Variants in PLSCR1 observed in about 807,000 individuals in gnomAD.
PLSCR1 encodes PL scramblase 1.
A neutral mutation model predicts 37.8 loss-of-function variants in PLSCR1; 17 were observed. The ratio of observed to expected loss-of-function variants is 0.45; its 90% CI spans 0.31 to 0.68. The LOEUF is 0.68. Among genes scored for constraint, PLSCR1 ranks in the 30% least tolerant of loss-of-function variants. The pLI, the probability that PLSCR1 is intolerant of heterozygous loss-of-function variation, is 0.06. For missense variants in PLSCR1, 347 were observed against 380.9 expected (o/e 0.91, Z 0.74); for synonymous variants, 116 against 125.9 (o/e 0.92, Z 0.53).
chr3:146,532,610 G>C (rs2688688), intron 3 of PLSCR1, among the ~76,000 whole-genome samples: 33,549 of 152,020 alleles, frequency 0.22, 4,061 homozygotes, highest in Non-Finnish European at 0.25. Flanking sequence ...ATGACATTCA[G>C]CTCCTAAGCA....
chr3:146,527,291 A>G (rs2044131272), intron 4 of PLSCR1, among the ~76,000 whole-genome samples: 1 of 152,226 alleles, frequency 6.6e-6, no homozygotes, highest in Non-Finnish European at 1.5e-5. Flanking sequence ...ACTATAATTA[A>G]CAATAATTTA....
chr3:146,525,525 T>C (rs1414931207), intron 5 of PLSCR1, 80 bp downstream of exon 5: 9 of 745,460 alleles, frequency 1.2e-5, no homozygotes, highest in African/African-American at 7.1e-5. Flanking sequence ...GAGAGTGTTA[T>C]ATTTGTGGAG....
At chr3:146,536,665 A>T in intron 1 of PLSCR1, 100 bp from the exon 2 acceptor site, 1 of 720,296 alleles carries the variant, frequency 1.4e-6, no homozygotes, top group Non-Finnish European at 2.5e-6. Flanking sequence ...TCACATTCAT[A>T]GGATATTCCT....
intron 5 of PLSCR1, among the ~76,000 whole-genome samples, chr3:146,523,318 A>G (rs2044058785): frequency 6.6e-6 from 1 of 152,166 alleles, no homozygotes; most frequent in Non-Finnish European, 1.5e-5. Context: ...GAGTTGGGGC[A>G]ATGCTGTGGG....
chr3:146,530,147 G>T (rs1310804092), intron 3 of PLSCR1, among the ~76,000 whole-genome samples: 1 of 152,098 alleles, frequency 6.6e-6, no homozygotes, highest in Non-Finnish European at 1.5e-5. Context: ...CATAGCAGTG[G>T]AATACAATTT....
rs2044153840 is a variant in PLSCR1, at chr3:146,528,740, AGGAAAGCCAGCTG to A, written c.173_185del (p.Pro58LeufsTer32). On this transcript the variant is annotated frameshift_variant, in exon 4 of 9. Transcript: ENST00000342435. LOFTEE classifies it high-confidence loss of function. The stretch of plus-strand genomic sequence containing the variant: ...GATTATACACTGGCTGATTTGGGAC[AGGAAAGCCAGCTG>A]GGCCAGGACCTGAATGGCCGGCTGG... 1 of 1,614,080 alleles carries A rather than the reference AGGAAAGCCAGCTG, an allele frequency of 6.2e-7. No homozygotes were observed. The highest frequency in any genetic ancestry group is 8.5e-7 in the Non-Finnish European group (1 of 1,180,040).
chr3:146,519,224 A>G (rs908469145), intron 7 of PLSCR1, among the ~76,000 whole-genome samples: 4 of 152,160 alleles, frequency 2.6e-5, no homozygotes, highest in African/African-American at 9.7e-5. Flanking sequence ...TCCAGTGTCT[A>G]TACTCTTGAC....
At chr3:146,534,216 T>C (rs1006123909) in intron 2 of PLSCR1, among the ~76,000 whole-genome samples, 1 of 152,158 alleles carries the variant, frequency 6.6e-6, no homozygotes, top group African/African-American at 2.4e-5. Context: ...TTCATGTCTA[T>C]CTAGTCATTC....
chr3:146,519,520 T>G (rs2043990658), intron 7 of PLSCR1, among the ~76,000 whole-genome samples: 1 of 152,080 alleles, frequency 6.6e-6, no homozygotes, highest in African/African-American at 2.4e-5. Context: ...CTATATTGGA[T>G]AAAAGGTCTA....
chr3:146,517,336 T>C (rs2043961537), intron 7 of PLSCR1, 169 bp from the exon 8 acceptor site: 3 of 355,578 alleles, frequency 8.4e-6, no homozygotes, highest in Admixed American at 4.6e-5. Context: ...TGAAAAAAAC[T>C]GTTTCATTGT....
chr3:146,530,093 G>C (rs2044175744), intron 3 of PLSCR1, among the ~76,000 whole-genome samples: 1 of 152,142 alleles, frequency 6.6e-6, no homozygotes, highest in Admixed American at 6.5e-5. Context: ...TGATTACAAT[G>C]AAGATTTATA....
At chr3:146,535,648 A>G (rs1319029093) in intron 2 of PLSCR1, among the ~76,000 whole-genome samples, 4 of 152,234 alleles carry the variant, frequency 2.6e-5, no homozygotes, top group South Asian at 2.1e-4. Context: ...AAAGTTGCCT[A>G]TGACCATCAC....
Position 146,544,494 on chromosome 3 carries a change from A to G in PLSCR1, c.-41T>C, listed in dbSNP as rs2044380499. 1 of 152,284 alleles carries G rather than the reference A, an allele frequency of 6.6e-6. No homozygotes were observed. The highest frequency in any genetic ancestry group is 2.1e-4 in the South Asian group (1 of 4,830). The allele number at this position is 152,284 out of a possible 1,614,324, so 9.4% of individuals were successfully genotyped here. Reference sequence around the variant, plus strand: ...CTGGCTGCCGCTGTTTCCGCTCCCGAGCGAGACAAGGTCCAGAGAGCCGGG... The same window carrying G: ...CTGGCTGCCGCTGTTTCCGCTCCCGGGCGAGACAAGGTCCAGAGAGCCGGG... On this transcript the variant is annotated 5_prime_UTR_variant, in exon 1 of 9. Transcript: ENST00000342435.
chr3:146,540,436 G>T (rs2044324209), intron 1 of PLSCR1, among the ~76,000 whole-genome samples: 1 of 152,092 alleles, frequency 6.6e-6, no homozygotes, highest in African/African-American at 2.4e-5. Context: ...TCCAGTTCTG[G>T]CTTCAAAATT....
chr3:146,519,922 T>C (rs1348183826), intron 7 of PLSCR1, among the ~76,000 whole-genome samples: 1 of 152,140 alleles, frequency 6.6e-6, no homozygotes, highest in Admixed American at 6.6e-5. Flanking sequence ...TTCCACATAG[T>C]ACACCTATGA....
intron 5 of PLSCR1, among the ~76,000 whole-genome samples, chr3:146,524,081 A>G (rs750782731): frequency 6.6e-6 from 1 of 152,198 alleles, no homozygotes; most frequent in African/African-American, 2.4e-5. Flanking sequence ...ATTTATAGGA[A>G]CAACGTCTGA....
intron 1 of PLSCR1, among the ~76,000 whole-genome samples, chr3:146,538,609 C>G (rs1294165532): frequency 6.6e-6 from 1 of 152,038 alleles, no homozygotes; most frequent in East Asian, 1.9e-4. Flanking sequence ...ACTAGTGTTT[C>G]AATTATTCTC....
chr3:146,525,407 C>T lies in PLSCR1; in HGVS notation c.355+198G>A, dbSNP rs2044093822. The T allele has an allele frequency of 3.3e-5, 17 of 508,218 alleles. No individual in the cohort carries two copies. In the South Asian group the frequency reaches 4.3e-4, roughly 13 times the overall value. 31.5% of individuals were successfully genotyped at this position (508,218 alleles called of 1,614,324 possible). ...TAAGTTAGTGTCAATATCCCGAGGGCAGGTGCCCAACATAACAGCATTTTA... is the reference window on the plus strand; with the variant it reads ...TAAGTTAGTGTCAATATCCCGAGGGTAGGTGCCCAACATAACAGCATTTTA... On this transcript the variant is annotated intron_variant, in intron 5 of 8. Coordinates refer to ENST00000342435, the MANE Select transcript of PLSCR1 (RefSeq NM_021105.3).
chr3:146,533,083 A>C (rs578014960), intron 3 of PLSCR1, among the ~76,000 whole-genome samples: 3 of 152,324 alleles, frequency 2.0e-5, no homozygotes, highest in Admixed American at 2.0e-4. Context: ...TATCAGAAAT[A>C]AATTTCCTAA....
Sources: gnomAD v4.1 joint callset for allele counts (sites outside exome capture counted in the v4.1 genomes callset) on GRCh38, gnomAD v4.1.1 for gene constraint, MANE v1.5 for transcripts, NCBI Gene and HGNC (gene_info 2026-07-23, HGNC 2026-07-21) for gene names.